Variants in RNGTT observed in about 807,000 individuals in gnomAD.
RNGTT encodes mRNA-capping enzyme.
Under a neutral mutation model 79.3 loss-of-function variants are expected in RNGTT, and 33 were observed. The ratio of observed to expected loss-of-function variants is 0.42; its 90% CI spans 0.32 to 0.56. RNGTT has a LOEUF of 0.56. Ranked by LOEUF, RNGTT falls within the 20% of genes least tolerant of loss-of-function variation. The pLI, the probability that RNGTT is intolerant of heterozygous loss-of-function variation, is 0.17. For synonymous variants in RNGTT, 222 were observed against 235.9 expected (o/e 0.94, Z 0.54); for missense variants, 497 against 739.1 (o/e 0.67, Z 3.80).
At chr6:88,954,552 T>C (rs771482285) in intron 1 of RNGTT, among the ~76,000 whole-genome samples, 3 of 151,860 alleles carry the variant, frequency 2.0e-5, no homozygotes, top group Non-Finnish European at 4.4e-5. Flanking sequence ...ACTTCAATAC[T>C]CCACTGACAG....
intron 13 of RNGTT, among the ~76,000 whole-genome samples, chr6:88,739,857 T>C (rs1777425166): frequency 6.7e-6 from 1 of 149,726 alleles, no homozygotes; most frequent in Non-Finnish European, 1.5e-5. Context: ...TGAACTACTA[T>C]ATGAAGCTCC....
At chr6:88,957,799 T>A (rs533903237) in intron 1 of RNGTT, among the ~76,000 whole-genome samples, 1 of 152,166 alleles carries the variant, frequency 6.6e-6, no homozygotes, top group African/African-American at 2.4e-5. Context: ...AAAATGATCA[T>A]ACTGCCAAAA....
intron 13 of RNGTT, among the ~76,000 whole-genome samples, chr6:88,685,685 G>T (rs974254461): frequency 6.6e-6 from 1 of 152,006 alleles, no homozygotes; most frequent in Non-Finnish European, 1.5e-5. Context: ...TGAGAAACAG[G>T]ATGGGGGGAA....
rs556282465 is a variant in RNGTT, at chr6:88,615,444, T to G, written c.1507-1049A>C. 3.3e-5 allele frequency among the ~76,000 whole-genome samples: 5 copies of G among 152,312 alleles called. No homozygotes were observed. In the East Asian group the frequency reaches 9.6e-4, roughly 29 times the overall value. On this transcript the variant is annotated intron_variant, in intron 14 of 15. Coordinates refer to ENST00000369485, the MANE Select transcript of RNGTT (RefSeq NM_003800.5). The stretch of plus-strand genomic sequence containing the variant: ...TTACATTTGATTGTACCATCTGCAT[T>G]TTCAACAAATCCAACAGGTGCAATA...
At position 88,610,100 on chromosome 6, in the gene RNGTT, T is replaced by G. The variant is rs1209962465; in HGVS notation, c.*2619A>C. Reference sequence around the variant, plus strand: ...TTCAAACTACACCCCCCTGTGTCAATCAAATTTCTCAGTTTCTCAGAAAGA... The same window carrying G: ...TTCAAACTACACCCCCCTGTGTCAAGCAAATTTCTCAGTTTCTCAGAAAGA... On this transcript the variant is annotated 3_prime_UTR_variant, in exon 16 of 16. Coordinates refer to ENST00000369485, the MANE Select transcript of RNGTT (RefSeq NM_003800.5). Among the ~76,000 whole-genome samples, 2 of 152,196 alleles carry G rather than the reference T, an allele frequency of 1.3e-5. No individual in the cohort carries two copies. The highest frequency in any genetic ancestry group is 2.9e-5 in the Non-Finnish European group (2 of 68,030).
chr6:88,830,591 GGA>G (rs200284944), intron 11 of RNGTT, among the ~76,000 whole-genome samples: 2 of 151,268 alleles, frequency 1.3e-5, no homozygotes, highest in African/African-American at 4.8e-5. Context: ...CAGAACTGAA[GGA>G]GAGAGAGAGA....
chr6:88,662,431 A>G (rs1774223782), intron 14 of RNGTT, among the ~76,000 whole-genome samples: 3 of 152,202 alleles, frequency 2.0e-5, no homozygotes, highest in African/African-American at 7.2e-5. Flanking sequence ...ACCCTTTCAC[A>G]TGGACCCCTC....
intron 13 of RNGTT, among the ~76,000 whole-genome samples, chr6:88,698,200 G>GAT (rs1554206718): frequency 4.1e-4 from 33 of 81,294 alleles, no homozygotes; most frequent in African/African-American, 2.6e-3. Flanking sequence ...AAATATATAT[G>GAT]ATATATATGA....
intron 14 of RNGTT, among the ~76,000 whole-genome samples, chr6:88,662,487 G>A (rs767067092): frequency 9.2e-5 from 14 of 152,212 alleles, no homozygotes; most frequent in Non-Finnish European, 2.1e-4. Context: ...ACTTTGGGGA[G>A]CTCAGATCAT....
At chr6:88,682,686 C>T (rs1006515722) in intron 13 of RNGTT, among the ~76,000 whole-genome samples, 1 of 152,012 alleles carries the variant, frequency 6.6e-6, no homozygotes, top group Admixed American at 6.6e-5. Flanking sequence ...CTGCAAAGAT[C>T]ATCCCATCAC....
chr6:88,624,415 CAAAT>C (rs1772550563), intron 14 of RNGTT, among the ~76,000 whole-genome samples: 1 of 151,750 alleles, frequency 6.6e-6, no homozygotes, highest in Admixed American at 6.6e-5. Context: ...AGAGAGCTCA[CAAAT>C]AAATCCACAA....
At chr6:88,930,150 GTACA>G (rs1039846855) in intron 2 of RNGTT, among the ~76,000 whole-genome samples, 72 of 144,174 alleles carry the variant, frequency 5.0e-4, no homozygotes, top group African/African-American at 1.8e-3. Context: ...ATACATATAC[GTACA>G]TACATATATA....
intron 1 of RNGTT, among the ~76,000 whole-genome samples, chr6:88,954,484 G>A (rs572123976): frequency 1.3e-5 from 2 of 151,960 alleles, no homozygotes; most frequent in African/African-American, 4.8e-5. Context: ...AATTTGTAAA[G>A]CAATTACTAC....
At chr6:88,921,313 G>A (rs1159412467) in intron 4 of RNGTT, among the ~76,000 whole-genome samples, 4 of 150,390 alleles carry the variant, frequency 2.7e-5, no homozygotes, top group African/African-American at 4.9e-5. Context: ...AGTGAGACCT[G>A]GTCTTTAAAA....
intron 14 of RNGTT, among the ~76,000 whole-genome samples, chr6:88,645,793 C>T (rs1582273074): frequency 6.6e-6 from 1 of 152,200 alleles, no homozygotes; most frequent in Non-Finnish European, 1.5e-5. Context: ...GGAAAACTGG[C>T]TAGCCATATG....
chr6:88,731,486 AAT>A (rs1025684935), intron 13 of RNGTT, among the ~76,000 whole-genome samples: 1 of 152,224 alleles, frequency 6.6e-6, no homozygotes, highest in African/African-American at 2.4e-5. Context: ...AACAACAATT[AAT>A]ATGTCAAGAA....
At chr6:88,689,543 G>A (rs1224142414) in intron 13 of RNGTT, among the ~76,000 whole-genome samples, 6 of 149,102 alleles carry the variant, frequency 4.0e-5, no homozygotes, top group East Asian at 2.0e-4. Context: ...GCAGTGAGCC[G>A]AGATCGCGCC....
At chr6:88,787,897 CT>C (rs1779283792) in intron 12 of RNGTT, among the ~76,000 whole-genome samples, 1 of 152,176 alleles carries the variant, frequency 6.6e-6, no homozygotes, top group African/African-American at 2.4e-5. Context: ...AGCTAGATTT[CT>C]GATTTAAGTA....
intron 1 of RNGTT, among the ~76,000 whole-genome samples, chr6:88,949,588 A>G (rs371288089): frequency 1.3e-5 from 2 of 152,274 alleles, no homozygotes. Flanking sequence ...TATTGTTGAT[A>G]TGGAGAAAAT....
Sources: gnomAD v4.1 joint callset for allele counts (sites outside exome capture counted in the v4.1 genomes callset) on GRCh38, gnomAD v4.1.1 for gene constraint, MANE v1.5 for transcripts, NCBI Gene and HGNC (gene_info 2026-07-23, HGNC 2026-07-21) for gene names.